The following FHIT variants were observed in gnomAD, a reference collection of about 807,000 sequenced individuals.
FHIT encodes fragile histidine triad diadenosine triphosphatase.
A neutral mutation model predicts 17.9 loss-of-function variants in FHIT; 19 were observed. The observed-to-expected ratio is 1.06, with a 90% CI of 0.74 to 1.56. The LOEUF (loss-of-function observed/expected upper bound fraction) is 1.56, where lower values mean the gene tolerates loss of function less well. FHIT is among the 40% of genes most tolerant of loss of function. The probability of loss-of-function intolerance (pLI) is 0.00; values close to 1 mark genes in which losing one functional copy is unlikely to be tolerated. For synonymous variants in FHIT, 81 were observed against 69.7 expected, an observed-to-expected ratio of 1.16 and a Z score of -0.81; for missense variants, 248 against 189.2, an observed-to-expected ratio of 1.31 and a Z score of -1.82.
chr3:60,660,729 CTTTTTT>C lies in FHIT; in HGVS notation c.-17-123756_-17-123751del. ...GATGTGGAATATCTTTTATTGTGCT[CTTTTTT>C]TTTTTTTTTTTTTTTGCCATCTGCC... On this transcript the variant is annotated intron_variant, in intron 4 of 9. Coordinates refer to ENST00000492590, the MANE Select transcript of FHIT (RefSeq NM_002012.4). 2.2e-3 allele frequency among the ~76,000 whole-genome samples: 83 copies of C among 37,288 alleles called. 3 individuals are homozygous for C. Among genetic ancestry groups the C allele is most frequent in the African/African-American group, 5.2e-3 (63 of 12,232 alleles). 24.5% of individuals were successfully genotyped at this position (37,288 alleles called of 152,430 possible). A position where few individuals can be genotyped will look rare whatever the true frequency, so the allele number is the denominator to read the frequency against.
rs1347157602 is a variant in FHIT at position 61,209,872 on chromosome 3, G to A, written c.-212-9207C>T. On this transcript the variant is annotated intron_variant, in intron 1 of 9. Transcript: ENST00000492590. The stretch of plus-strand genomic sequence containing the variant: ...GCTGGTGAGGAGCTGCGTTCCTTTG[G>A]AGGAGGAGAGGCACTCTGATTTTTA... 2.6e-5 allele frequency among the ~76,000 whole-genome samples: 4 copies of A among 152,196 alleles called. No individual in the cohort carries two copies. The East Asian group carries it at 5.8e-4, about 22-fold the overall frequency.
intron 5 of FHIT, among the ~76,000 whole-genome samples, chr3:60,246,456 T>C (rs1705401156): frequency 6.6e-6 from 1 of 152,052 alleles, no homozygotes; most frequent in South Asian, 2.1e-4. Context: ...AAATGTCCCG[T>C]GGATTTTATT....
At chr3:59,797,195 T>TA (rs1367485669) in intron 8 of FHIT, among the ~76,000 whole-genome samples, 2 of 152,034 alleles carry the variant, frequency 1.3e-5, no homozygotes, top group Non-Finnish European at 2.9e-5. Context: ...TACAATTTTT[T>TA]TTTTTTTTTG....
At chr3:60,507,340 G>A (rs56010320) in intron 5 of FHIT, among the ~76,000 whole-genome samples, 1 of 152,190 alleles carries the variant, frequency 6.6e-6, no homozygotes, top group Admixed American at 6.5e-5. Flanking sequence ...GGGCATGAAA[G>A]AAAGAGGGAG....
chr3:60,388,518 A>G (rs967341458), intron 5 of FHIT, among the ~76,000 whole-genome samples: 4 of 152,158 alleles, frequency 2.6e-5, no homozygotes, highest in Non-Finnish European at 4.4e-5. Context: ...TGACAGGATC[A>G]TAAGCCCAGG....
At chr3:60,541,633 A>G (rs966312824) in intron 4 of FHIT, among the ~76,000 whole-genome samples, 3 of 152,216 alleles carry the variant, frequency 2.0e-5, no homozygotes, top group African/African-American at 7.2e-5. Context: ...TAATACTGCT[A>G]TTAGTAACAA....
chr3:61,201,741 CT>C (rs11351593), intron 1 of FHIT, among the ~76,000 whole-genome samples: 15,272 of 151,912 alleles, frequency 0.1, 2,554 homozygotes, highest in African/African-American at 0.35. Context: ...GAAATTTCTC[CT>C]TCCCCCTGAG....
At chr3:61,198,311 C>G (rs1228037522) in intron 2 of FHIT, among the ~76,000 whole-genome samples, 1 of 152,088 alleles carries the variant, frequency 6.6e-6, no homozygotes, top group Non-Finnish European at 1.5e-5. Flanking sequence ...GTTGGCAGAT[C>G]AGAATGCCCA....
chr3:61,021,337 C>T (rs570470028), intron 3 of FHIT, among the ~76,000 whole-genome samples: 70 of 152,122 alleles, frequency 4.6e-4, no homozygotes, highest in Admixed American at 6.5e-4. Context: ...CGGTGGCTCA[C>T]GCCTGTAATC....
At chr3:60,107,871 A>G (rs1243834442) in intron 5 of FHIT, among the ~76,000 whole-genome samples, 6 of 152,210 alleles carry the variant, frequency 3.9e-5, no homozygotes, top group Non-Finnish European at 5.9e-5. Flanking sequence ...CCTTTTATAA[A>G]TACAGGAAAG....
At chr3:60,742,887 G>A (rs1435119240) in intron 4 of FHIT, among the ~76,000 whole-genome samples, 1 of 152,230 alleles carries the variant, frequency 6.6e-6, no homozygotes, top group Non-Finnish European at 1.5e-5. Flanking sequence ...GATGGAGATG[G>A]AAAAGTAGGA....
At position 60,390,416 on chromosome 3, in the gene FHIT, A is replaced by C. The variant is rs1295228993; in HGVS notation, c.103+146444T>G. Among the ~76,000 whole-genome samples the C allele has an allele frequency of 4.2e-4, 55 of 130,090 alleles. 3 individuals carry two copies. The South Asian group carries it at 8.0e-3, about 19-fold the overall frequency. The allele number at this position is 130,090 out of a possible 152,430, so 85.3% of individuals were successfully genotyped here. On this transcript the variant is annotated intron_variant, in intron 5 of 9. Coordinates refer to ENST00000492590, the MANE Select transcript of FHIT (RefSeq NM_002012.4). ...GGAGCTAAAAAAAAAAAAAAAAAAA[A>C]AAAAAAAAAAAACCCGTACCCTCTA...
chr3:60,618,844 A>G (rs1553677032), intron 4 of FHIT, among the ~76,000 whole-genome samples: 1 of 152,134 alleles, frequency 6.6e-6, no homozygotes, highest in African/African-American at 2.4e-5. Context: ...GACCACTTTG[A>G]AGGAGGTGAA....
At chr3:60,540,748 T>C (rs1054012877) in intron 4 of FHIT, among the ~76,000 whole-genome samples, 1 of 152,146 alleles carries the variant, frequency 6.6e-6, no homozygotes, top group Non-Finnish European at 1.5e-5. Context: ...CAGAGAGCTG[T>C]GCAAATGTCA....
At chr3:59,836,447 C>A (rs796643394) in intron 8 of FHIT, among the ~76,000 whole-genome samples, 11 of 152,140 alleles carry the variant, frequency 7.2e-5, no homozygotes, top group African/African-American at 2.4e-4. Flanking sequence ...TGCAGAAGTA[C>A]CCAGAAAACC....
intron 5 of FHIT, among the ~76,000 whole-genome samples, chr3:60,354,089 T>C (rs370400265): frequency 6.6e-6 from 1 of 152,112 alleles, no homozygotes; most frequent in South Asian, 2.1e-4. Flanking sequence ...ATATAAAAAA[T>C]GGTATGTGAT....
intron 2 of FHIT, among the ~76,000 whole-genome samples, chr3:61,092,423 A>C (rs572398007): frequency 6.6e-6 from 1 of 152,140 alleles, no homozygotes; most frequent in East Asian, 1.9e-4. Flanking sequence ...ACATGTTTTT[A>C]ATTTTGAAGT....
intron 5 of FHIT, among the ~76,000 whole-genome samples, chr3:60,064,060 A>G (rs905194074): frequency 3.9e-5 from 6 of 152,178 alleles, no homozygotes; most frequent in Admixed American, 3.3e-4. Flanking sequence ...CTGAAAAGCT[A>G]CAGAAGAAAC....
intron 7 of FHIT, among the ~76,000 whole-genome samples, chr3:59,987,011 A>G (rs1709003733): frequency 7.9e-6 from 1 of 126,880 alleles, no homozygotes; most frequent in East Asian, 2.2e-4. Flanking sequence ...ATATTAAAAA[A>G]TAAAAAAATA....
Sources: gnomAD v4.1 joint callset for allele counts (sites outside exome capture counted in the v4.1 genomes callset) on GRCh38, gnomAD v4.1.1 for gene constraint, MANE v1.5 for transcripts, NCBI Gene and HGNC (gene_info 2026-07-23, HGNC 2026-07-21) for gene names.